TOGARAM1: variants seen among roughly 807,000 people sequenced by gnomAD.
The protein encoded by TOGARAM1 is TOG array regulator of axonemal microtubules protein 1.
TOGARAM1 carries 100 observed loss-of-function variants against 166.6 expected under a neutral mutation model. That is an observed-to-expected ratio of 0.60 (90% confidence interval 0.51 to 0.71). The LOEUF (loss-of-function observed/expected upper bound fraction) is 0.71, where lower values mean the gene tolerates loss of function less well. Among genes scored for constraint, TOGARAM1 ranks in the 30% least tolerant of loss-of-function variants. The probability of loss-of-function intolerance (pLI) is 0.00; values close to 1 mark genes in which losing one functional copy is unlikely to be tolerated. For missense variants in TOGARAM1, 2,029 were observed against 2,102.7 expected (o/e 0.96, Z 0.69); for synonymous variants, 758 against 763.8 (o/e 0.99, Z 0.13).
At chr14:44,983,700 G>A (rs1262044879) in intron 1 of TOGARAM1, among the ~76,000 whole-genome samples, 1 of 152,220 alleles carries the variant, frequency 6.6e-6, no homozygotes, top group Non-Finnish European at 1.5e-5. Context: ...TTGTACTAAT[G>A]TGTTTGGTAT....
At chr14:44,973,939 A>C (rs1268278721) in intron 1 of TOGARAM1, among the ~76,000 whole-genome samples, 1 of 151,230 alleles carries the variant, frequency 6.6e-6, no homozygotes, top group Non-Finnish European at 1.5e-5. Flanking sequence ...ATCTTCTTTC[A>C]GGATTTTTCT....
chr14:45,029,811 G>A (rs886459624), intron 10 of TOGARAM1, among the ~76,000 whole-genome samples: 7 of 152,162 alleles, frequency 4.6e-5, no homozygotes, highest in African/African-American at 1.4e-4. Context: ...CATAGTGGAA[G>A]TTTTGTTGTT....
Position 44,963,175 on chromosome 14 carries a change from G to T in TOGARAM1, c.754G>T (p.Asp252Tyr), listed in dbSNP as rs948084781. ...TACTGAGGACTTGTTGCTTGGTCTG[G>T]ATCTCACCGAGGTGATAATATCCCT... ...LTTEDLLLGL[D>Y]LTEVIISLAR... The change falls in exon 1 of 20, where the codon GAT becomes TAT. Residue 252 changes from aspartate (D) to tyrosine (Y), a missense_variant. Around this residue, in one of 2 missense-constraint regions of TOGARAM1, gnomAD observed 1,453 missense variants for 1,432.2 expected, o/e 1.01. Transcript: ENST00000361462. 6.2e-7 allele frequency: 1 copy of T among 1,614,044 alleles called. No homozygotes were observed. The highest frequency in any genetic ancestry group is 8.5e-7 in the Non-Finnish European group (1 of 1,180,034).
chr14:45,069,352 G>A (rs889483289), intron 18 of TOGARAM1, among the ~76,000 whole-genome samples: 1 of 151,898 alleles, frequency 6.6e-6, no homozygotes, highest in South Asian at 2.1e-4. Flanking sequence ...CTGGGCAGCA[G>A]AGTGAGACTC....
At position 45,066,747 on chromosome 14, in the gene TOGARAM1, G is replaced by T. The variant is rs1233176448; in HGVS notation, c.4729G>T (p.Val1577Phe). The change falls in exon 17 of 20, where the codon GTT becomes TTT. Residue 1577 changes from valine (V) to phenylalanine (F), a missense_variant. Transcript: ENST00000361462. The part of the protein sequence containing the change: ...LSDTENNQDL[V>F]VGNIVKIFDA... The stretch of plus-strand genomic sequence containing the variant: ...AGATACAGAAAATAATCAAGACCTT[G>T]TTGTTGGAAACATTGTGAAGGTAAG... The T allele has an allele frequency of 1.9e-6, 3 of 1,612,340 alleles. No individual in the cohort carries two copies. In the African/African-American group the frequency reaches 4.0e-5, roughly 22 times the overall value.
intron 16 of TOGARAM1, among the ~76,000 whole-genome samples, chr14:45,059,973 C>T (rs1882827186): frequency 1.4e-5 from 2 of 148,114 alleles, no homozygotes; most frequent in South Asian, 2.1e-4. Flanking sequence ...AGTGCAGTGG[C>T]GTGATCTCGG....
At chr14:45,029,735 A>C (rs951294173) in intron 10 of TOGARAM1, among the ~76,000 whole-genome samples, 7 of 152,206 alleles carry the variant, frequency 4.6e-5, no homozygotes, top group Non-Finnish European at 8.8e-5. Flanking sequence ...GCTTCTAGAA[A>C]CTATTTTAAC....
At chr14:45,046,259 C>G (rs375907152) in intron 13 of TOGARAM1, among the ~76,000 whole-genome samples, 3 of 152,116 alleles carry the variant, frequency 2.0e-5, no homozygotes, top group South Asian at 2.1e-4. Flanking sequence ...CATAGTAAGA[C>G]CTCGTCTGTA....
At chr14:45,004,020 G>T (rs759965947) in intron 3 of TOGARAM1, 41 bp from the exon 4 acceptor site, 2 of 1,522,252 alleles carry the variant, frequency 1.3e-6, no homozygotes, top group Admixed American at 4.0e-5. Flanking sequence ...CTGTTAAACT[G>T]TGTATACATA....
intron 1 of TOGARAM1, among the ~76,000 whole-genome samples, chr14:44,971,468 A>G (rs1032207906): frequency 3.9e-5 from 6 of 152,126 alleles, no homozygotes; most frequent in Non-Finnish European, 7.4e-5. Flanking sequence ...GAAGCTTATC[A>G]ATTTTATTGA....
chr14:45,058,342 T>C (rs1255521692), intron 16 of TOGARAM1, among the ~76,000 whole-genome samples: 1 of 151,664 alleles, frequency 6.6e-6, no homozygotes, highest in Non-Finnish European at 1.5e-5. Flanking sequence ...TTGCCCAAGC[T>C]GGAGTGCAGT....
At chr14:45,060,567 A>G (rs1048205549) in intron 16 of TOGARAM1, among the ~76,000 whole-genome samples, 6 of 152,044 alleles carry the variant, frequency 3.9e-5, no homozygotes, top group African/African-American at 1.4e-4. Flanking sequence ...AGAATTGGTA[A>G]TTTTTCTACC....
At chr14:44,970,501 T>G (rs925008720) in intron 1 of TOGARAM1, among the ~76,000 whole-genome samples, 1 of 152,204 alleles carries the variant, frequency 6.6e-6, no homozygotes, top group Admixed American at 6.5e-5. Context: ...CAAAGACAAT[T>G]TTATTTCTTC....
chr14:45,064,673 G>T, intron 16 of TOGARAM1, among the ~76,000 whole-genome samples: 1 of 152,106 alleles, frequency 6.6e-6, no homozygotes, highest in East Asian at 1.9e-4. Context: ...TACAGATGAG[G>T]TCTCAATTTG....
chr14:45,069,200 C>A (rs1883271084), intron 18 of TOGARAM1, among the ~76,000 whole-genome samples: 2 of 151,908 alleles, frequency 1.3e-5, no homozygotes, highest in African/African-American at 4.8e-5. Context: ...GAAACCCCAT[C>A]TCTACTATAA....
At chr14:45,006,411 C>A in intron 5 of TOGARAM1, 144 bp downstream of exon 5, 1 of 602,998 alleles carries the variant, frequency 1.7e-6, no homozygotes, top group Non-Finnish European at 2.7e-6. Context: ...TGGAAAATAC[C>A]ATGAATTAGT....
chr14:45,036,478 C>T (rs1378673408), intron 11 of TOGARAM1, among the ~76,000 whole-genome samples: 3 of 152,076 alleles, frequency 2.0e-5, no homozygotes, highest in Non-Finnish European at 4.4e-5. Flanking sequence ...AAGATGTATA[C>T]CATGCTAACA....
intron 7 of TOGARAM1, among the ~76,000 whole-genome samples, chr14:45,016,708 T>G (rs1880163815): frequency 6.6e-6 from 1 of 152,158 alleles, no homozygotes; most frequent in Admixed American, 6.5e-5. Flanking sequence ...CATTGTAATT[T>G]TAAAGCCTAT....
At chr14:45,005,662 C>T (rs1226222495) in intron 4 of TOGARAM1, among the ~76,000 whole-genome samples, 1 of 152,096 alleles carries the variant, frequency 6.6e-6, no homozygotes, top group Non-Finnish European at 1.5e-5. Context: ...AAGGAATCCT[C>T]TGCGTCCCTC....
Sources: gnomAD v4.1 joint callset for allele counts (sites outside exome capture counted in the v4.1 genomes callset) on GRCh38, gnomAD v4.1.1 for gene constraint, gnomAD v4.1.1 regional missense constraint, MANE v1.5 for transcripts, NCBI Gene and HGNC (gene_info 2026-07-23, HGNC 2026-07-21) for gene names.